The following LAMA4 variants were observed in gnomAD, a reference collection of about 807,000 sequenced individuals.
LAMA4 encodes the protein laminin subunit alpha 4.
LAMA4 carries 127 observed loss-of-function variants against 207.1 expected under a neutral mutation model. That is an observed-to-expected ratio of 0.61 (90% CI 0.53 to 0.71). The LOEUF (loss-of-function observed/expected upper bound fraction) is 0.71. Among genes scored for constraint, LAMA4 ranks in the 30% least tolerant of loss-of-function variants. The pLI, the probability that LAMA4 is intolerant of heterozygous loss-of-function variation, is 0.00. For missense variants in LAMA4, 2,093 were observed against 2,246.5 expected, an observed-to-expected ratio of 0.93 and a Z score of 1.38; for synonymous variants, 761 against 816.0, an observed-to-expected ratio of 0.93 and a Z score of 1.15.
intron 2 of LAMA4, among the ~76,000 whole-genome samples, chr6:112,225,902 G>A (rs1395471152): frequency 5.9e-5 from 9 of 152,208 alleles, no homozygotes; most frequent in African/African-American, 2.2e-4. Context: ...ATAAAAAGCA[G>A]ACTGAGTTTT....
At chr6:112,245,945 A>C (rs1313947360) in intron 2 of LAMA4, among the ~76,000 whole-genome samples, 1 of 152,134 alleles carries the variant, frequency 6.6e-6, no homozygotes, top group Non-Finnish European at 1.5e-5. Context: ...TGAATATGGA[A>C]ATTTTCCCAT....
chr6:112,119,784 C>G (rs1778239796), intron 33 of LAMA4, among the ~76,000 whole-genome samples: 1 of 152,178 alleles, frequency 6.6e-6, no homozygotes, highest in Non-Finnish European at 1.5e-5. Flanking sequence ...ATAGACAGAA[C>G]AGGCCATATG....
chr6:112,127,016 T>C (rs1778733175), intron 31 of LAMA4, among the ~76,000 whole-genome samples: 1 of 152,186 alleles, frequency 6.6e-6, no homozygotes, highest in African/African-American at 2.4e-5. Flanking sequence ...ATTCACTGAA[T>C]CTTAACTATA....
intron 8 of LAMA4, chr6:112,186,967 G>A: frequency 2.2e-6 from 1 of 447,200 alleles, no homozygotes; most frequent in East Asian, 7.0e-5. Flanking sequence ...ATGAGAAAAT[G>A]AGAGAGAATG....
chr6:112,232,940 A>G (rs1231848402), intron 2 of LAMA4, among the ~76,000 whole-genome samples: 1 of 152,236 alleles, frequency 6.6e-6, no homozygotes, highest in Non-Finnish European at 1.5e-5. Context: ...TCCCTGATCC[A>G]AGGAAACAAA....
intron 2 of LAMA4, among the ~76,000 whole-genome samples, chr6:112,226,232 T>C (rs78409510): frequency 0.029 from 4,366 of 152,322 alleles, 96 homozygotes; most frequent in Middle Eastern, 0.099. Context: ...CTTTTCTACT[T>C]TGAACCTCTC....
chr6:112,112,968 T>A lies in LAMA4; in HGVS notation c.5326+1108A>T, dbSNP rs187638705. ...CACATACATGAGCTTAAGAAGTAAA[T>A]CTCATGGAGAGAGGTAGAGAGTAGT... On this transcript the variant is annotated intron_variant, in intron 38 of 38. Coordinates refer to ENST00000230538, the MANE Select transcript of LAMA4 (RefSeq NM_001105206.3). Among the ~76,000 whole-genome samples, 176 of 152,080 alleles carry A rather than the reference T, an allele frequency of 1.2e-3. 2 individuals carry two copies. Among genetic ancestry groups the A allele is most frequent in the Non-Finnish European group, 2.1e-3 (146 of 67,992 alleles).
rs1475481329 is a variant in LAMA4, at chr6:112,117,744, A to T, written c.4976T>A (p.Val1659Asp). ...TYFSTEGGYVVLDESFNIGLK... is the reference protein window; with the variant it reads ...TYFSTEGGYVDLDESFNIGLK... ...TTTAACATGACTAATGTTACCTAGA[A>T]CCACGTATCCTCCTTCTGTTGAAAA... The change falls in exon 35 of 39, where the codon GTT becomes GAT. Residue 1659 changes from valine to aspartate, a missense_variant. By Grantham distance (152) the Val-to-Asp change is radical. This residue lies in a region of LAMA4 where 383 missense variants were observed against 437.8 expected (regional missense o/e 0.87). Transcript: ENST00000230538. This position sits in a 1 kb window ranked among gnomAD's most constrained non-coding sequence, Gnocchi z 4.5. 2 of 1,613,250 alleles carry T rather than the reference A, an allele frequency of 1.2e-6. No homozygotes were observed. The highest frequency in any genetic ancestry group is 1.7e-6 in the Non-Finnish European group (2 of 1,179,414).
chr6:112,202,880 A>T (rs1554353082), intron 4 of LAMA4, among the ~76,000 whole-genome samples: 1 of 152,178 alleles, frequency 6.6e-6, no homozygotes, highest in East Asian at 1.9e-4. Context: ...GAAGCATGCA[A>T]CATCTGCTAG....
intron 24 of LAMA4, among the ~76,000 whole-genome samples, chr6:112,137,879 T>C (rs1554332021): frequency 6.6e-6 from 1 of 152,198 alleles, no homozygotes. Context: ...TGAATCCTAC[T>C]AGTTATTTCA....
intron 24 of LAMA4, among the ~76,000 whole-genome samples, chr6:112,137,129 TTTA>T: frequency 6.6e-6 from 1 of 152,176 alleles, no homozygotes; most frequent in Non-Finnish European, 1.5e-5. Flanking sequence ...ACACATGATG[TTTA>T]AGAATCAAAG....
intron 2 of LAMA4, among the ~76,000 whole-genome samples, chr6:112,248,836 C>G (rs1554189150): frequency 1.3e-5 from 2 of 151,930 alleles, no homozygotes; most frequent in Non-Finnish European, 2.9e-5. Flanking sequence ...CAGGAAGACT[C>G]CCTGGTATAC....
At chr6:112,221,145 A>T (rs942512044) in intron 2 of LAMA4, among the ~76,000 whole-genome samples, 1 of 152,170 alleles carries the variant, frequency 6.6e-6, no homozygotes, top group African/African-American at 2.4e-5. Flanking sequence ...ATCGGAGAGT[A>T]TGAGATAAAT....
At position 112,187,306 on chromosome 6, in the gene LAMA4, T is replaced by A. The variant is rs116042905; in HGVS notation, c.966+144A>T. 6,463 of 921,286 alleles carry A rather than the reference T, an allele frequency of 7.0e-3. 263 individuals carry two copies. The African/African-American group carries it at 0.09, about 13-fold the overall frequency. 57.1% of individuals were successfully genotyped at this position (921,286 alleles called of 1,614,324 possible). A position where few individuals can be genotyped will look rare whatever the true frequency, so the allele number is the denominator to read the frequency against. On this transcript the variant is annotated intron_variant, in intron 8 of 38. Transcript: ENST00000230538. ...TCATAATTTCCTATGAAATTACTTA[T>A]GTTTTCTATGTTAGACCTACAGGTC...
intron 22 of LAMA4, among the ~76,000 whole-genome samples, chr6:112,140,440 C>T (rs1222713441): frequency 6.6e-6 from 1 of 152,162 alleles, no homozygotes; most frequent in Non-Finnish European, 1.5e-5. Flanking sequence ...AAGATTAGAT[C>T]TAAACTGTGG....
chr6:112,210,018 C>CCTCT (rs142361813), intron 3 of LAMA4, among the ~76,000 whole-genome samples: 7 of 148,862 alleles, frequency 4.7e-5, no homozygotes, highest in Admixed American at 2.0e-4. Flanking sequence ...TTGTGCTCTC[C>CCTCT]CTCTCTCTCT....
chr6:112,171,340 A>G (rs1300073403), intron 12 of LAMA4, among the ~76,000 whole-genome samples: 6 of 152,132 alleles, frequency 3.9e-5, no homozygotes, highest in African/African-American at 1.4e-4. Flanking sequence ...GAGGATTGAT[A>G]AGCACATGCA....
intron 6 of LAMA4, among the ~76,000 whole-genome samples, chr6:112,190,654 G>A (rs1201060100): frequency 6.6e-6 from 1 of 152,158 alleles, no homozygotes; most frequent in Non-Finnish European, 1.5e-5. Context: ...TAAGATCTGT[G>A]CGTTTCAGTC....
intron 2 of LAMA4, chr6:112,216,677 A>G (rs782415892): frequency 1.8e-6 from 1 of 565,556 alleles, no homozygotes. Flanking sequence ...TCTTTGTTAC[A>G]TAACTTTTTC....
Sources: allele counts gnomAD v4.1 joint callset (sites outside exome capture counted in the v4.1 genomes callset), GRCh38; gene constraint gnomAD v4.1.1; regional missense constraint gnomAD v4.1.1; non-coding constraint Gnocchi (gnomAD v3.1); transcripts MANE v1.5; gene names NCBI Gene and HGNC (gene_info 2026-07-23, HGNC 2026-07-21).